Variants in PANX1 observed in about 807,000 individuals in gnomAD.
PANX1 encodes the protein pannexin 1, also known as pannexin-1.
A neutral mutation model predicts 38.7 loss-of-function variants in PANX1; 30 were observed. The ratio of observed to expected loss-of-function variants is 0.78; its 90% CI spans 0.58 to 1.05. PANX1 has a LOEUF of 1.05. Ranked by LOEUF, PANX1 falls within the 50% of genes least tolerant of loss-of-function variation. The pLI, the probability that PANX1 is intolerant of heterozygous loss-of-function variation, is 0.00. For synonymous variants in PANX1, 230 were observed against 212.2 expected (o/e 1.08, Z -0.73); for missense variants, 551 against 517.2 (o/e 1.07, Z -0.63).
intron 1 of PANX1, among the ~76,000 whole-genome samples, chr11:94,139,625 G>A (rs1946737647): frequency 6.6e-6 from 1 of 152,172 alleles, no homozygotes; most frequent in East Asian, 1.9e-4. Flanking sequence ...GAGACTCTCA[G>A]CCCCAACCCC....
At chr11:94,130,378 A>G (rs536189981) in intron 1 of PANX1, among the ~76,000 whole-genome samples, 57 of 152,276 alleles carry the variant, frequency 3.7e-4, no homozygotes, top group African/African-American at 1.3e-3. Context: ...AGAGAATGTT[A>G]TATGTTCCTG....
rs548047875 is a variant in PANX1 at position 94,164,786 on chromosome 11, G to A, written c.321+11156G>A. On this transcript the variant is annotated intron_variant, in intron 2 of 4. Transcript: ENST00000227638. ...ACTGAAAGTCGGGCGTGAAGTTCCC[G>A]ACTATTATTATATTGGGCTTTATCC... 8.5e-5 allele frequency among the ~76,000 whole-genome samples: 13 copies of A among 152,210 alleles called. No homozygotes were observed. The South Asian group carries it at 1.0e-3, about 12-fold the overall frequency.
intron 1 of PANX1, among the ~76,000 whole-genome samples, chr11:94,145,841 G>T (rs754402950): frequency 3.9e-5 from 6 of 152,174 alleles, no homozygotes; most frequent in Non-Finnish European, 7.4e-5. Flanking sequence ...AAAGAAGAAA[G>T]AACAAACATG....
At chr11:94,174,155 C>G (rs1418200911) in intron 2 of PANX1, among the ~76,000 whole-genome samples, 1 of 151,596 alleles carries the variant, frequency 6.6e-6, no homozygotes, top group Non-Finnish European at 1.5e-5. Context: ...CCTAATTTAT[C>G]ATGACCTTAT....
At chr11:94,172,243 G>T (rs1947178194) in intron 2 of PANX1, among the ~76,000 whole-genome samples, 1 of 151,492 alleles carries the variant, frequency 6.6e-6, no homozygotes, top group South Asian at 2.1e-4. Context: ...GTTTTTATCG[G>T]CTTCCCAGGA....
At chr11:94,143,778 T>A (rs1358685675) in intron 1 of PANX1, among the ~76,000 whole-genome samples, 8 of 151,338 alleles carry the variant, frequency 5.3e-5, no homozygotes, top group Non-Finnish European at 1.2e-4. Flanking sequence ...AGACAGTGTC[T>A]CTCTATATTG....
intron 2 of PANX1, among the ~76,000 whole-genome samples, chr11:94,158,817 G>A (rs1254701795): frequency 1.3e-5 from 2 of 152,148 alleles, no homozygotes; most frequent in Non-Finnish European, 2.9e-5. Context: ...GGGCATCCCT[G>A]TCTTGTGCCA....
At chr11:94,131,581 G>A (rs533719948) in intron 1 of PANX1, among the ~76,000 whole-genome samples, 2 of 152,324 alleles carry the variant, frequency 1.3e-5, no homozygotes, top group African/African-American at 4.8e-5. Context: ...GCTGGTGAAG[G>A]TTGGCAGGCA....
intron 2 of PANX1, among the ~76,000 whole-genome samples, chr11:94,174,867 A>G (rs1947213867): frequency 6.6e-6 from 1 of 151,898 alleles, no homozygotes; most frequent in East Asian, 1.9e-4. Flanking sequence ...GGTTCCTTCC[A>G]TCTGGAGGTT....
chr11:94,179,868 G>A lies in PANX1; in HGVS notation c.812G>A (p.Gly271Asp), dbSNP rs189649511. The A allele has an allele frequency of 1.9e-6, 3 of 1,614,072 alleles. No individual in the cohort carries two copies. In the South Asian group the frequency reaches 3.3e-5, roughly 18 times the overall value. Residue 271 changes from glycine (G) to aspartate (D), a missense_variant, in exon 4 of 5, where the codon GGC (glycine) becomes GAC (aspartate). Physicochemically the swap from Gly to Asp is moderately conservative, Grantham distance 94 (BLOSUM62 -1). Transcript: ENST00000227638. ...TTTCAGTGCAAACTCATTGCCGTGG[G>A]CATCTTCCAGTTGCTCAGTGTCATT... ...DQFQCKLIAVGIFQLLSVINL... is the reference protein window; with the variant it reads ...DQFQCKLIAVDIFQLLSVINL...
At chr11:94,158,146 A>G (rs1339077658) in intron 2 of PANX1, among the ~76,000 whole-genome samples, 1 of 152,074 alleles carries the variant, frequency 6.6e-6, no homozygotes, top group African/African-American at 2.4e-5. Flanking sequence ...GGTTACTGCT[A>G]GTAGCCTTGT....
chr11:94,178,267 C>G (rs1947257879), intron 2 of PANX1, 102 bp from the exon 3 acceptor site: 2 of 868,832 alleles, frequency 2.3e-6, no homozygotes, highest in East Asian at 5.1e-5. Context: ...TTCCACAATA[C>G]ACATTTGTCT....
chr11:94,151,149 A>G (rs902679513), intron 1 of PANX1, among the ~76,000 whole-genome samples: 1 of 152,192 alleles, frequency 6.6e-6, no homozygotes, highest in East Asian at 1.9e-4. Context: ...AGTGAATATG[A>G]GTTGGCCACT....
intron 1 of PANX1, among the ~76,000 whole-genome samples, chr11:94,130,470 G>A (rs1946616543): frequency 6.6e-6 from 1 of 152,142 alleles, no homozygotes; most frequent in Non-Finnish European, 1.5e-5. Flanking sequence ...ATATGGGCCT[G>A]GGTCAGCCTG....
intron 2 of PANX1, 75 bp downstream of exon 2, chr11:94,153,705 A>G: frequency 7.2e-7 from 1 of 1,381,682 alleles, no homozygotes; most frequent in Non-Finnish European, 1.0e-6. Flanking sequence ...AGGCTATGCC[A>G]AAGACCACAC....
chr11:94,147,979 G>A (rs1039627186), intron 1 of PANX1, among the ~76,000 whole-genome samples: 6 of 152,190 alleles, frequency 3.9e-5, no homozygotes, highest in African/African-American at 1.4e-4. Context: ...TAAGGGGCAG[G>A]TGTTAGCCCT....
intron 2 of PANX1, among the ~76,000 whole-genome samples, chr11:94,166,560 CTT>C (rs931598251): frequency 2.6e-5 from 4 of 152,200 alleles, no homozygotes; most frequent in Admixed American, 1.3e-4. Context: ...TAATTTGCAT[CTT>C]TTCACCTGGT....
rs1022885735 is a variant in PANX1, at chr11:94,129,443, G to T, written c.131G>T (p.Gly44Val). 1.9e-6 allele frequency: 3 copies of T among 1,613,632 alleles called. No homozygotes were observed. Among genetic ancestry groups the T allele is most frequent in the Middle Eastern group, 1.6e-4 (1 of 6,082 alleles). Reference protein sequence around the residue: ...VDKMVTCIAVGLPLLLISLAF... With the variant: ...VDKMVTCIAVVLPLLLISLAF... The stretch of plus-strand genomic sequence containing the variant: ...AAGATGGTCACGTGCATTGCGGTGG[G>T]GCTGCCCCTGCTGCTCATCTCGCTG... The change falls in exon 1 of 5, where the codon GGG (glycine) becomes GTG (valine). Residue 44 changes from glycine to valine, a missense_variant. Physicochemically the swap from Gly to Val is moderately radical, Grantham distance 109 (BLOSUM62 -3). Transcript: ENST00000227638.
At chr11:94,147,783 A>G (rs557111969) in intron 1 of PANX1, among the ~76,000 whole-genome samples, 1 of 152,186 alleles carries the variant, frequency 6.6e-6, no homozygotes, top group Admixed American at 6.5e-5. Flanking sequence ...TCTTCCCTCC[A>G]TCTGGTGAGG....
Sources: allele counts gnomAD v4.1 joint callset (sites outside exome capture counted in the v4.1 genomes callset), GRCh38; gene constraint gnomAD v4.1.1; transcripts MANE v1.5; gene names NCBI Gene and HGNC (gene_info 2026-07-23, HGNC 2026-07-21).